FRMD4B: variants seen among roughly 807,000 people sequenced by gnomAD.
FRMD4B encodes FERM domain containing 4B.
Under a neutral mutation model 141.5 loss-of-function variants are expected in FRMD4B, and 74 were observed. The ratio of observed to expected loss-of-function variants is 0.52; its 90% CI spans 0.43 to 0.63. The LOEUF (loss-of-function observed/expected upper bound fraction) is 0.63, where lower values mean the gene tolerates loss of function less well. FRMD4B is among the 30% of genes least tolerant of loss of function. The pLI, the probability that FRMD4B is intolerant of heterozygous loss-of-function variation, is 0.00. For synonymous variants in FRMD4B, 506 were observed against 467.9 expected, an observed-to-expected ratio of 1.08 and a Z score of -1.05; for missense variants, 1,366 against 1,253.4, an observed-to-expected ratio of 1.09 and a Z score of -1.36.
rs758335084 is a variant in FRMD4B, at chr3:69,461,356, C to T, written c.-128-28595G>A. The stretch of plus-strand genomic sequence containing the variant: ...CCGAGATTGCTTGAAGCTGGGAGTT[C>T]GAGACCATCCTGGGAAACATAGTGA... On this transcript the variant is annotated intron_variant, in intron 1 of 5. Transcript: ENST00000459638. Among the ~76,000 whole-genome samples the T allele has an allele frequency of 4.4e-4, 67 of 151,112 alleles. 2 individuals carry two copies. The highest frequency in any genetic ancestry group is 4.3e-4 in the Non-Finnish European group (29 of 67,904).
chr3:69,472,286 T>G, intron 1 of FRMD4B: 1 of 410,080 alleles, frequency 2.4e-6, no homozygotes, highest in Non-Finnish European at 4.8e-6. Flanking sequence ...TTATGTCTGA[T>G]GACATTCTCT....
chr3:69,206,377 A>G (rs1428498425), intron 11 of FRMD4B, among the ~76,000 whole-genome samples: 3 of 152,022 alleles, frequency 2.0e-5, no homozygotes, highest in African/African-American at 7.2e-5. Context: ...CAAAACAAAA[A>G]CCCATATCTT....
chr3:69,320,321 G>T (rs1701955620), intron 1 of FRMD4B, among the ~76,000 whole-genome samples: 1 of 152,194 alleles, frequency 6.6e-6, no homozygotes, highest in African/African-American at 2.4e-5. Context: ...GGCCAGGTGT[G>T]TTGGCTCACT....
At chr3:69,256,492 G>C (rs1236220224) in intron 5 of FRMD4B, among the ~76,000 whole-genome samples, 1 of 152,094 alleles carries the variant, frequency 6.6e-6, no homozygotes, top group Admixed American at 6.5e-5. Flanking sequence ...GTTGATTTTC[G>C]TATTTTTAGT....
At position 69,169,609 on chromosome 3, in the gene FRMD4B, G is replaced by A. The variant is rs111791239; in HGVS notation, c.*2252C>T. 0.039 allele frequency among the ~76,000 whole-genome samples: 5,911 copies of A among 151,868 alleles called. 220 individuals carry two copies. Among genetic ancestry groups the A allele is most frequent in the Non-Finnish European group, 0.048 (3,255 of 67,908 alleles). ...TGAGCTCAAGCAATCCTCCCACTTC[G>A]GCCTCCCAAAGTGCTGGGATTACAG... On this transcript the variant is annotated 3_prime_UTR_variant, in exon 23 of 23. Coordinates refer to ENST00000398540, the MANE Select transcript of FRMD4B (RefSeq NM_015123.3).
intron 13 of FRMD4B, 38 bp from the exon 14 acceptor site, chr3:69,196,434 A>G: frequency 4.7e-6 from 7 of 1,490,348 alleles, no homozygotes; most frequent in Non-Finnish European, 6.5e-6. Flanking sequence ...ATTAACTCAA[A>G]CATACTTCAA....
At chr3:69,246,526 A>G (rs1348493802) in intron 7 of FRMD4B, among the ~76,000 whole-genome samples, 5 of 152,202 alleles carry the variant, frequency 3.3e-5, no homozygotes, top group Admixed American at 1.3e-4. Flanking sequence ...TTGGAGGAAA[A>G]ACATATCCTC....
chr3:69,196,422 G>A (rs201668855), intron 13 of FRMD4B, 26 bp from the exon 14 acceptor site: 1 of 1,565,004 alleles, frequency 6.4e-7, no homozygotes, highest in Non-Finnish European at 8.7e-7. Flanking sequence ...CAATGAAACA[G>A]AATTAACTCA....
chr3:69,264,521 T>C (rs2093548464), intron 5 of FRMD4B, among the ~76,000 whole-genome samples: 1 of 152,176 alleles, frequency 6.6e-6, no homozygotes, highest in Non-Finnish European at 1.5e-5. Flanking sequence ...TCCCAGGTTT[T>C]TGAACTGTGA....
At chr3:69,340,463 T>C (rs11128125) in intron 1 of FRMD4B, among the ~76,000 whole-genome samples, 17 of 152,186 alleles carry the variant, frequency 1.1e-4, no homozygotes, top group South Asian at 2.1e-4. Flanking sequence ...ACCAGCTCCA[T>C]TGATGTTTTT....
At chr3:69,177,727 T>G (rs1165907912) in intron 21 of FRMD4B, among the ~76,000 whole-genome samples, 1 of 152,202 alleles carries the variant, frequency 6.6e-6, no homozygotes, top group Non-Finnish European at 1.5e-5. Context: ...TTCTCATATA[T>G]TGCGAGAATC....
At chr3:69,440,072 A>G (rs1705320690) in intron 1 of FRMD4B, among the ~76,000 whole-genome samples, 1 of 152,154 alleles carries the variant, frequency 6.6e-6, no homozygotes, top group South Asian at 2.1e-4. Flanking sequence ...CAGAAGTTAT[A>G]CATTTTGATA....
intron 1 of FRMD4B, among the ~76,000 whole-genome samples, chr3:69,444,738 T>C (rs1364463989): frequency 6.6e-6 from 1 of 152,216 alleles, no homozygotes; most frequent in East Asian, 1.9e-4. Context: ...TCTGTTTCAG[T>C]GCTATGTTCA....
At chr3:69,415,078 C>T (rs1261963276) in intron 2 of FRMD4B, among the ~76,000 whole-genome samples, 2 of 151,366 alleles carry the variant, frequency 1.3e-5, no homozygotes, top group African/African-American at 4.9e-5. Flanking sequence ...GTTGGTCAGG[C>T]TGGTGTCTAA....
At chr3:69,443,612 A>C (rs1705370412) in intron 1 of FRMD4B, among the ~76,000 whole-genome samples, 1 of 152,156 alleles carries the variant, frequency 6.6e-6, no homozygotes, top group Admixed American at 6.5e-5. Context: ...TGAGGCCAAA[A>C]CCACCTTTGC....
chr3:69,172,119 G>C, intron 22 of FRMD4B, 138 bp from the exon 23 acceptor site: 1 of 691,208 alleles, frequency 1.4e-6, no homozygotes, highest in Non-Finnish European at 2.5e-6. Context: ...AGGGAAAGGA[G>C]AAGGGTGACT....
At chr3:69,469,812 T>C (rs947114672) in intron 1 of FRMD4B, among the ~76,000 whole-genome samples, 10 of 152,240 alleles carry the variant, frequency 6.6e-5, no homozygotes, top group Admixed American at 2.0e-4. Context: ...AGCGAGACTT[T>C]GATTTAGCGG....
intron 5 of FRMD4B, among the ~76,000 whole-genome samples, chr3:69,259,289 C>G (rs915466686): frequency 1.8e-4 from 27 of 152,286 alleles, no homozygotes; most frequent in African/African-American, 6.0e-4. Context: ...AGAGCTCAGG[C>G]ATTGATGCGA....
At chr3:69,418,572 A>C (rs1704913885) in intron 2 of FRMD4B, among the ~76,000 whole-genome samples, 1 of 152,226 alleles carries the variant, frequency 6.6e-6, no homozygotes, top group African/African-American at 2.4e-5. Context: ...TTTGAAGAGC[A>C]AAATTCCATG....
Sources: gnomAD v4.1 joint callset for allele counts (sites outside exome capture counted in the v4.1 genomes callset) on GRCh38, gnomAD v4.1.1 for gene constraint, MANE v1.5 for transcripts, NCBI Gene and HGNC (gene_info 2026-07-23, HGNC 2026-07-21) for gene names.